The following FAT3 variants were observed in gnomAD, a reference collection of about 807,000 sequenced individuals.
The protein encoded by FAT3 is FAT atypical cadherin 3, also known as protocadherin Fat 3.
In FAT3, 95 loss-of-function variants were observed where a neutral mutation model predicts 310.2. The observed-to-expected ratio is 0.31, with a 90% CI of 0.26 to 0.36. The LOEUF (loss-of-function observed/expected upper bound fraction) is 0.36. FAT3 is among the 10% of genes least tolerant of loss of function. The pLI is 1.00. For missense variants in FAT3, 5,408 were observed against 5,715.6 expected, an observed-to-expected ratio of 0.95 and a Z score of 1.74; for synonymous variants, 2,314 against 2,192.9, an observed-to-expected ratio of 1.06 and a Z score of -1.54.
chr11:92,464,079 A>G (rs2135120881), intron 2 of FAT3, among the ~76,000 whole-genome samples: 1 of 152,330 alleles, frequency 6.6e-6, no homozygotes, highest in South Asian at 2.1e-4. Context: ...CAAAGACAAT[A>G]GACACCTTGA....
intron 2 of FAT3, among the ~76,000 whole-genome samples, chr11:92,384,587 G>A (rs535646533): frequency 6.6e-6 from 1 of 152,268 alleles, no homozygotes; most frequent in South Asian, 2.1e-4. Flanking sequence ...ACATACAGAA[G>A]CCAGAGTAGT....
chr11:92,400,457 C>T (rs984752044), intron 2 of FAT3: 2 of 151,854 alleles, frequency 1.3e-5, no homozygotes, highest in Non-Finnish European at 2.9e-5. Flanking sequence ...TGAGAAATGG[C>T]GAGTATTGTA....
rs765715896 is a variant in FAT3, at chr11:92,354,759, A to G, written c.2647A>G (p.Thr883Ala). 4 of 1,613,940 alleles carry G rather than the reference A, an allele frequency of 2.5e-6. No individual in the cohort carries two copies. The highest frequency in any genetic ancestry group is 4.5e-5 in the East Asian group (2 of 44,886). ...ACAGCAGTTTGCCATCAATAGCTCAACTGGAATCGTTTATGTAGCCGACCA... is the reference window on the plus strand; with the variant it reads ...ACAGCAGTTTGCCATCAATAGCTCAGCTGGAATCGTTTATGTAGCCGACCA... ...DTQQFAINSS[T>A]GIVYVADQLD... Residue 883 changes from threonine (T) to alanine (A), a missense_variant, in exon 2 of 28, where the codon ACT becomes GCT. Thr to Ala is a moderately conservative substitution (Grantham distance 58, BLOSUM62 0). Coordinates refer to ENST00000525166, the MANE Select transcript of FAT3 (RefSeq NM_001367949.2).
At chr11:92,478,211 C>T (rs1344005356) in intron 2 of FAT3, among the ~76,000 whole-genome samples, 1 of 152,144 alleles carries the variant, frequency 6.6e-6, no homozygotes, top group African/African-American at 2.4e-5. Context: ...AGCTGGTAAC[C>T]GAATTCATCA....
chr11:92,805,128 A>T (rs2136198319), intron 10 of FAT3, 25 bp from the exon 11 acceptor site: 1 of 1,598,932 alleles, frequency 6.3e-7, no homozygotes, highest in South Asian at 1.1e-5. Flanking sequence ...CATCTTCAAA[A>T]GCTCTTTTGT....
chr11:92,322,014 T>C (rs980408483), intron 1 of FAT3, among the ~76,000 whole-genome samples: 5 of 152,146 alleles, frequency 3.3e-5, no homozygotes, highest in African/African-American at 9.7e-5. Context: ...ATAGTCATCA[T>C]TGAAAACCTT....
At chr11:92,638,968 C>T (rs761782798) in intron 3 of FAT3, among the ~76,000 whole-genome samples, 67 of 152,174 alleles carry the variant, frequency 4.4e-4, no homozygotes, top group Non-Finnish European at 6.8e-4. Context: ...AATTCAGATT[C>T]CATGCCTACA....
intron 2 of FAT3, among the ~76,000 whole-genome samples, chr11:92,480,365 G>A (rs1042364267): frequency 1.2e-4 from 19 of 152,174 alleles, no homozygotes; most frequent in African/African-American, 4.6e-4. Flanking sequence ...ATATTTTGGA[G>A]TCGGCCACCT....
At chr11:92,705,283 C>T (rs1297219318) in intron 4 of FAT3, among the ~76,000 whole-genome samples, 1 of 149,034 alleles carries the variant, frequency 6.7e-6, no homozygotes, top group Non-Finnish European at 1.5e-5. Flanking sequence ...TCTAGCTAAA[C>T]AAGGAGTGGT....
intron 1 of FAT3, among the ~76,000 whole-genome samples, chr11:92,250,021 C>T (rs937914245): frequency 2.0e-5 from 3 of 152,082 alleles, no homozygotes; most frequent in Non-Finnish European, 2.9e-5. Flanking sequence ...ATTTCTTTCA[C>T]TCTTAAAATT....
chr11:92,811,767 G>T (rs1440037628), intron 13 of FAT3, among the ~76,000 whole-genome samples: 1 of 152,092 alleles, frequency 6.6e-6, no homozygotes, highest in Non-Finnish European at 1.5e-5. Context: ...GATTATAGGG[G>T]TGCTGCTGGC....
chr11:92,571,733 A>G (rs1398769347), intron 3 of FAT3, among the ~76,000 whole-genome samples: 1 of 152,028 alleles, frequency 6.6e-6, no homozygotes, highest in Non-Finnish European at 1.5e-5. Flanking sequence ...CTCCTTTAGC[A>G]CTTAGCTCTT....
Position 92,718,105 on chromosome 11 carries a change from A to G in FAT3, c.3669+20660A>G, listed in dbSNP as rs537312685. On this transcript the variant is annotated intron_variant, in intron 4 of 27. Coordinates refer to ENST00000525166, the MANE Select transcript of FAT3 (RefSeq NM_001367949.2). ...ACTTTCAGAAGCTCAGCCCCAAGAG[A>G]CCTGGCTTCTCTTCTTATTGTGCCT... 6.4e-4 allele frequency among the ~76,000 whole-genome samples: 98 copies of G among 152,158 alleles called. 1 individual carries two copies. Among genetic ancestry groups the G allele is most frequent in the African/African-American group, 2.3e-3 (94 of 41,530 alleles).
rs188600950 is a variant in FAT3, at chr11:92,624,095, C to T, written c.3608-73289C>T. Among the ~76,000 whole-genome samples, 45 of 152,260 alleles carry T rather than the reference C, an allele frequency of 3.0e-4. 1 individual carries two copies. The East Asian group carries it at 6.0e-3, about 20-fold the overall frequency. On this transcript the variant is annotated intron_variant, in intron 3 of 27. Coordinates refer to ENST00000525166, the MANE Select transcript of FAT3 (RefSeq NM_001367949.2). ...TCCCAGGGAACTCAGAGGCAAAAAGCTATTACAATGCAAAGACAGTTTTGG... is the reference window on the plus strand; with the variant it reads ...TCCCAGGGAACTCAGAGGCAAAAAGTTATTACAATGCAAAGACAGTTTTGG...
chr11:92,748,746 G>C (rs1383315596), intron 4 of FAT3: 3 of 152,182 alleles, frequency 2.0e-5, no homozygotes, highest in Non-Finnish European at 4.4e-5. Context: ...GGTCAAATAA[G>C]AGAAACCACA....
intron 2 of FAT3, among the ~76,000 whole-genome samples, chr11:92,403,049 C>T (rs950138042): frequency 1.1e-4 from 16 of 152,144 alleles, no homozygotes; most frequent in Admixed American, 6.5e-4. Context: ...ATAGCAGGCC[C>T]ATCAGTCTTA....
intron 1 of FAT3, among the ~76,000 whole-genome samples, chr11:92,292,861 C>T (rs1381358251): frequency 6.6e-6 from 1 of 151,952 alleles, no homozygotes; most frequent in African/African-American, 2.4e-5. Flanking sequence ...ATAAAATAAG[C>T]TCTCAGTTGG....
chr11:92,869,975 A>C (rs1473850837), intron 22 of FAT3, among the ~76,000 whole-genome samples: 2 of 152,202 alleles, frequency 1.3e-5, no homozygotes, highest in Admixed American at 1.3e-4. Context: ...GACTGCTTGC[A>C]CATGAGGCTG....
intron 3 of FAT3, among the ~76,000 whole-genome samples, chr11:92,655,333 AT>A (rs1365511874): frequency 1.3e-5 from 2 of 152,180 alleles, no homozygotes; most frequent in African/African-American, 4.8e-5. Flanking sequence ...ACCTAGAACA[AT>A]TTTTGGCATT....
Sources: allele counts gnomAD v4.1 joint callset (sites outside exome capture counted in the v4.1 genomes callset), GRCh38; gene constraint gnomAD v4.1.1; transcripts MANE v1.5; gene names NCBI Gene and HGNC (gene_info 2026-07-23, HGNC 2026-07-21).